KDM1B: variants seen among roughly 807,000 people sequenced by gnomAD.
The protein encoded by KDM1B is lysine-specific histone demethylase 2.
KDM1B carries 63 observed loss-of-function variants against 107.4 expected under a neutral mutation model. The ratio of observed to expected loss-of-function variants is 0.59; its 90% CI spans 0.48 to 0.72. KDM1B has a LOEUF of 0.72. Among genes scored for constraint, KDM1B ranks in the 30% least tolerant of loss-of-function variants. The pLI is 0.00. For synonymous variants in KDM1B, 363 were observed against 363.9 expected (o/e 1.00, Z 0.03); for missense variants, 749 against 1,020.8 (o/e 0.73, Z 3.63).
At position 18,157,276 on chromosome 6, in the gene KDM1B, T is replaced by C. The variant is rs984592986; in HGVS notation, c.-14+1350T>C. Among the ~76,000 whole-genome samples, 5 of 152,346 alleles carry C rather than the reference T, an allele frequency of 3.3e-5. No homozygotes were observed. In the East Asian group the frequency reaches 7.7e-4, roughly 23 times the overall value. On this transcript the variant is annotated intron_variant, in intron 2 of 21. Transcript: ENST00000650836. ...CAAAAGTTCTGAGAATGGATTCATA[T>C]AACCCTCAATTGTATAAAGTTGAAA... is the stretch of plus-strand genomic sequence containing the variant.
In KDM1B at chr6:18,208,203, A is replaced by G. The variant is rs371875812; in HGVS notation, c.1863A>G (p.Gln621=). The G allele has an allele frequency of 2.6e-5, 42 of 1,612,512 alleles. No homozygotes were observed. The highest frequency in any genetic ancestry group is 2.5e-4 in the Admixed American group (15 of 59,910). The change falls in exon 17 of 22, where the codon CAA becomes CAG. Residue 621 remains glutamine, a synonymous_variant. Transcript: ENST00000650836. ...TTTDGTGYSA[Q]KVLVTVPLAL... Reference sequence around the variant, plus strand: ...CAGATGGCACAGGGTATTCTGCACAAAAGGTAAGAGCTAGGGCAGTACAAG... The same window carrying G: ...CAGATGGCACAGGGTATTCTGCACAGAAGGTAAGAGCTAGGGCAGTACAAG...
chr6:18,216,919 G>A (rs1255471354), intron 20 of KDM1B, among the ~76,000 whole-genome samples: 10 of 152,192 alleles, frequency 6.6e-5, no homozygotes, highest in Admixed American at 4.6e-4. Flanking sequence ...CATCCCCTGC[G>A]GGTCATGGAA....
rs575329922 is a variant in KDM1B at position 18,161,207 on chromosome 6, C to T, written c.88-120C>T. 8.6e-6 allele frequency: 7 copies of T among 809,596 alleles called. No homozygotes were observed. In the East Asian group the frequency reaches 1.8e-4, roughly 21 times the overall value. The allele number at this position is 809,596 out of a possible 1,614,324, so 50.2% of individuals were successfully genotyped here. ...TTGCTGTATTGTCATCCCTAACCTACTGCCATGATGTTTTTGACCTTCATG... is the reference window on the plus strand; with the variant it reads ...TTGCTGTATTGTCATCCCTAACCTATTGCCATGATGTTTTTGACCTTCATG... On this transcript the variant is annotated intron_variant, in intron 3 of 21. Transcript: ENST00000650836.
intron 5 of KDM1B, among the ~76,000 whole-genome samples, chr6:18,165,945 A>G (rs993243741): frequency 3.3e-5 from 5 of 152,202 alleles, no homozygotes; most frequent in Admixed American, 6.6e-5. Flanking sequence ...ACCATGATTC[A>G]TGATTGCAGC....
At chr6:18,207,883 CTG>C (rs1443602471) in intron 16 of KDM1B, among the ~76,000 whole-genome samples, 3 of 152,182 alleles carry the variant, frequency 2.0e-5, no homozygotes, top group African/African-American at 7.2e-5. Flanking sequence ...GATTACTTAA[CTG>C]TATTTCCCTT....
intron 6 of KDM1B, 78 bp downstream of exon 6, chr6:18,166,456 G>A: frequency 1.2e-6 from 1 of 803,954 alleles, no homozygotes; most frequent in Non-Finnish European, 2.2e-6. Flanking sequence ...ATGCTGTTTA[G>A]GAAATCTCCT....
chr6:18,168,742 G>A (rs891643704), intron 6 of KDM1B, among the ~76,000 whole-genome samples: 5 of 152,048 alleles, frequency 3.3e-5, no homozygotes, highest in South Asian at 2.1e-4. Flanking sequence ...ATTTTTCCAC[G>A]GGTTTGAAGT....
chr6:18,216,848 C>A (rs1789271838), intron 20 of KDM1B, among the ~76,000 whole-genome samples: 1 of 152,150 alleles, frequency 6.6e-6, no homozygotes, highest in Non-Finnish European at 1.5e-5. Context: ...GAAACTTTAT[C>A]ATAGGTATGA....
In KDM1B at chr6:18,191,102, G is replaced by A. The variant is rs900648859; in HGVS notation, c.785-95G>A. ...TTATGTAGGGTAGAGAGTGGAGCTT[G>A]TCTAGGCTTACTTTTTGGTTTGCTT... On this transcript the variant is annotated intron_variant, in intron 9 of 21. Transcript: ENST00000650836. The surrounding 1 kb of genome is among the most constrained non-coding windows in gnomAD (Gnocchi z 5.1). 2 of 1,065,562 alleles carry A rather than the reference G, an allele frequency of 1.9e-6. No homozygotes were observed. The highest frequency in any genetic ancestry group is 1.6e-5 in the African/African-American group (1 of 63,000). 66.0% of individuals were successfully genotyped at this position (1,065,562 alleles called of 1,614,324 possible).
chr6:18,193,751 A>G (rs1787451767), intron 10 of KDM1B, among the ~76,000 whole-genome samples: 1 of 151,978 alleles, frequency 6.6e-6, no homozygotes, highest in Admixed American at 6.6e-5. Context: ...GAGGCCTGGG[A>G]TGGGAGCTGC....
In KDM1B at chr6:18,201,561, A is replaced by G. The variant is rs769396105; in HGVS notation, c.1435A>G (p.Ile479Val). 1.4e-5 allele frequency: 21 copies of G among 1,550,314 alleles called. No individual in the cohort carries two copies. In the South Asian group the frequency reaches 2.3e-4, roughly 17 times the overall value. The change falls in exon 14 of 22, where the codon ATT (isoleucine) becomes GTT (valine). Residue 479 changes from isoleucine to valine, a missense_variant. Physicochemically the swap from Ile to Val is conservative, Grantham distance 29. Coordinates refer to ENST00000650836, the MANE Select transcript of KDM1B (RefSeq NM_001364614.2). The surrounding 1 kb of genome is among the most constrained non-coding windows in gnomAD (Gnocchi z 4.3). ...AGGTGGAAGAATAACTGACCCCACTATTGACAAGCGCATGGATTTTCATTT... is the reference window on the plus strand; with the variant it reads ...AGGTGGAAGAATAACTGACCCCACTGTTGACAAGCGCATGGATTTTCATTT... Reference protein sequence around the residue: ...QEGGRITDPTIDKRMDFHFNA... With the variant: ...QEGGRITDPTVDKRMDFHFNA...
In KDM1B at chr6:18,212,635, A is replaced by G. The variant is rs1195751205; in HGVS notation, c.1983+31A>G. ...TGAAATGACCTCATCCTCAGCAAGA[A>G]AGAGATTAATGTCAGATGATAGATG... On this transcript the variant is annotated intron_variant, in intron 18 of 21. Coordinates refer to ENST00000650836, the MANE Select transcript of KDM1B (RefSeq NM_001364614.2). The surrounding 1 kb of genome is among the most constrained non-coding windows in gnomAD (Gnocchi z 5.2). 2 of 1,346,816 alleles carry G rather than the reference A, an allele frequency of 1.5e-6. No individual in the cohort carries two copies. Among genetic ancestry groups the G allele is most frequent in the African/African-American group, 1.4e-5 (1 of 69,854 alleles). The allele number at this position is 1,346,816 out of a possible 1,614,324, so 83.4% of individuals were successfully genotyped here.
chr6:18,160,537 G>C (rs2150757685), intron 3 of KDM1B, among the ~76,000 whole-genome samples: 2 of 152,238 alleles, frequency 1.3e-5, no homozygotes, highest in South Asian at 4.1e-4. Context: ...AGGAGATCCA[G>C]ACCATTCTGG....
chr6:18,208,605 A>ATATATATATGTG (rs1554149822), intron 17 of KDM1B, among the ~76,000 whole-genome samples: 3 of 11,488 alleles, frequency 2.6e-4, no homozygotes, highest in African/African-American at 7.7e-4. Flanking sequence ...ATGTGTATGT[A>ATATATATATGTG]TATATATATA....
intron 6 of KDM1B, among the ~76,000 whole-genome samples, chr6:18,171,055 C>T (rs1021561951): frequency 2.6e-5 from 4 of 151,772 alleles, no homozygotes; most frequent in African/African-American, 9.7e-5. Flanking sequence ...TTCCTGACCT[C>T]GTGATCCGCC....
rs553332203 is a variant in KDM1B, at chr6:18,213,415, A to C, written c.1984-241A>C. ...CGCTCCATTGCACTCCCAGCTGGGCAACAAGAGCGAAACTCCGTCTCAAAA... is the reference window on the plus strand; with the variant it reads ...CGCTCCATTGCACTCCCAGCTGGGCCACAAGAGCGAAACTCCGTCTCAAAA... On this transcript the variant is annotated intron_variant, in intron 18 of 21. Coordinates refer to ENST00000650836, the MANE Select transcript of KDM1B (RefSeq NM_001364614.2). The surrounding 1 kb of genome is among the most constrained non-coding windows in gnomAD (Gnocchi z 5.9). Among the ~76,000 whole-genome samples the C allele has an allele frequency of 6.6e-6, 1 of 151,612 alleles. No homozygotes were observed. The highest frequency in any genetic ancestry group is 1.5e-5 in the Non-Finnish European group (1 of 67,848).
At position 18,213,743 on chromosome 6, in the gene KDM1B, C is replaced by T. The variant is rs1789023767; in HGVS notation, c.2071C>T (p.Arg691Ter). 3 of 1,614,006 alleles carry T rather than the reference C, an allele frequency of 1.9e-6. No individual in the cohort carries two copies. Among genetic ancestry groups the T allele is most frequent in the Non-Finnish European group, 2.5e-6 (3 of 1,179,906 alleles). Residue 691 changes from arginine to a stop codon, truncating the protein, a stop_gained, in exon 19 of 22, where the codon CGA becomes TGA. Coordinates refer to ENST00000650836, the MANE Select transcript of KDM1B (RefSeq NM_001364614.2). LOFTEE classifies it high-confidence loss of function. This position sits in a 1 kb window ranked among gnomAD's most constrained non-coding sequence, Gnocchi z 5.9. ...TCACGTTCCTCCCAGTGCCAGCAAG[C>T]GAGGGCTTTTTGCCGTGTTCTATGA... is the stretch of plus-strand genomic sequence containing the variant. ...FGHVPPSASKRGLFAVFYDMD... is the reference protein window; with the variant it reads ...FGHVPPSASK
At chr6:18,193,541 A>G (rs992121598) in intron 10 of KDM1B, among the ~76,000 whole-genome samples, 1 of 151,874 alleles carries the variant, frequency 6.6e-6, no homozygotes, top group African/African-American at 2.4e-5. Context: ...GGCTTAAACA[A>G]TCCTCCTGGC....
chr6:18,159,913 G>C lies in KDM1B; in HGVS notation c.18G>C (p.Gly6=). Residue 6 remains glycine, a synonymous_variant, in exon 3 of 22, where the codon GGG becomes GGC. Coordinates refer to ENST00000650836, the MANE Select transcript of KDM1B (RefSeq NM_001364614.2). This position sits in a 1 kb window ranked among gnomAD's most constrained non-coding sequence, Gnocchi z 4.5. MATPR[G]RTKKKASFDH... ...TTAATGTAATGGCAACTCCACGGGG[G>C]AGGACAAAGAAAAAAGCATCTTTTG... The C allele has an allele frequency of 6.2e-7, 1 of 1,609,492 alleles. No homozygotes were observed. Among genetic ancestry groups the C allele is most frequent in the Non-Finnish European group, 8.5e-7 (1 of 1,177,906 alleles).
Sources: allele counts gnomAD v4.1 joint callset (sites outside exome capture counted in the v4.1 genomes callset), GRCh38; gene constraint gnomAD v4.1.1; non-coding constraint Gnocchi (gnomAD v3.1); transcripts MANE v1.5; gene names NCBI Gene and HGNC (gene_info 2026-07-23, HGNC 2026-07-21).